The following WDR4 variants were observed in gnomAD, a reference collection of about 807,000 sequenced individuals.
The protein encoded by WDR4 is tRNA (guanine-N(7)-)-methyltransferase non-catalytic subunit WDR4.
In WDR4, 47 loss-of-function variants were observed where a neutral mutation model predicts 48.6. That is an observed-to-expected ratio of 0.97 (90% CI 0.77 to 1.23). The LOEUF (loss-of-function observed/expected upper bound fraction) is 1.23, where lower values mean the gene tolerates loss of function less well. Ranked by LOEUF, WDR4 falls within the 50% of genes most tolerant of loss-of-function variation. The probability of loss-of-function intolerance (pLI) is 0.00; values close to 1 mark genes in which losing one functional copy is unlikely to be tolerated. For synonymous variants in WDR4, 268 were observed against 230.0 expected, an observed-to-expected ratio of 1.17 and a Z score of -1.49; for missense variants, 606 against 551.6, an observed-to-expected ratio of 1.10 and a Z score of -0.99.
chr21:42,868,484 C>T (rs112373714), intron 3 of WDR4, among the ~76,000 whole-genome samples: 8,547 of 152,296 alleles, frequency 0.056, 348 homozygotes, highest in Non-Finnish European at 0.088. Context: ...GCCAGGCCTA[C>T]GGCACACACG....
chr21:42,860,614 T>C (rs867337189), intron 5 of WDR4, among the ~76,000 whole-genome samples: 31 of 152,318 alleles, frequency 2.0e-4, no homozygotes, highest in Admixed American at 1.6e-3. Flanking sequence ...GCCACCGCCC[T>C]GCACGGCACC....
chr21:42,871,404 G>T (rs1329050589), intron 3 of WDR4, among the ~76,000 whole-genome samples: 1 of 152,224 alleles, frequency 6.6e-6, no homozygotes, highest in Non-Finnish European at 1.5e-5. Flanking sequence ...CTACTAGAAA[G>T]CCCCTGCCAC....
intron 3 of WDR4, among the ~76,000 whole-genome samples, chr21:42,868,176 G>T (rs957198528): frequency 2.0e-5 from 3 of 152,164 alleles, no homozygotes; most frequent in Non-Finnish European, 4.4e-5. Flanking sequence ...CGTCCCTCTG[G>T]AGGAGTCAGA....
intron 3 of WDR4, among the ~76,000 whole-genome samples, chr21:42,869,658 T>C (rs1037520122): frequency 2.0e-5 from 3 of 151,088 alleles, no homozygotes; most frequent in Non-Finnish European, 2.9e-5. Context: ...TGGAAAAACA[T>C]AGGATATGGA....
rs113831171 is a variant in WDR4 at position 42,853,533 on chromosome 21, C to G, written c.975+36G>C. 1.8e-5 allele frequency: 28 copies of G among 1,581,708 alleles called. No individual in the cohort carries two copies. The African/African-American group carries it at 3.4e-4, about 19-fold the overall frequency. On this transcript the variant is annotated intron_variant, in intron 9 of 10. Coordinates refer to ENST00000398208, the MANE Select transcript of WDR4 (RefSeq NM_018669.6). ...CCACACCCCCAGGCTTATGGAAAGG[C>G]AGGGCATAGGACATCTGGAAGGTGC...
downstream of WDR4, among the ~76,000 whole-genome samples, chr21:42,847,492 T>G (rs1039805389): frequency 2.0e-5 from 3 of 151,984 alleles, no homozygotes; most frequent in Admixed American, 6.6e-5. Context: ...TGCTGAGGAA[T>G]AGCAGGAAGC....
rs538499396 is a variant in WDR4 at position 42,875,721 on chromosome 21, G to A, written c.155+981C>T. 1.1e-4 allele frequency among the ~76,000 whole-genome samples: 17 copies of A among 152,136 alleles called. No individual in the cohort carries two copies. The East Asian group carries it at 2.7e-3, about 24-fold the overall frequency. Reference sequence around the variant, plus strand: ...CCCTGTCTCAAAAAATAATAATAACGATAAAACAAACTGAGCCACAATACC... The same window carrying A: ...CCCTGTCTCAAAAAATAATAATAACAATAAAACAAACTGAGCCACAATACC... On this transcript the variant is annotated intron_variant, in intron 2 of 10. Coordinates refer to ENST00000398208, the MANE Select transcript of WDR4 (RefSeq NM_018669.6).
Position 42,876,756 on chromosome 21 carries a change from C to CT in WDR4, c.100dup (p.Ser34LysfsTer6). 6.2e-7 allele frequency: 1 copy of CT among 1,612,728 alleles called. No homozygotes were observed. The highest frequency in any genetic ancestry group is 8.5e-7 in the Non-Finnish European group (1 of 1,179,424). On this transcript the variant is annotated frameshift_variant, in exon 2 of 11. Transcript: ENST00000398208. LOFTEE classifies it high-confidence loss of function. ...AGCACTGCAGTCATAGATGAAGAGG[C>CT]TGTCATCATCACTAAAGAGAAATAA...
At chr21:42,860,970 C>G (rs2058100433) in intron 5 of WDR4, among the ~76,000 whole-genome samples, 1 of 152,150 alleles carries the variant, frequency 6.6e-6, no homozygotes, top group Admixed American at 6.5e-5. Context: ...CAGCCACACA[C>G]AGGGGCCACG....
At chr21:42,889,770 A>C in the WDR4 span, among the ~76,000 whole-genome samples, 1 of 152,150 alleles carries the variant, frequency 6.6e-6, no homozygotes, top group Non-Finnish European at 1.5e-5. Flanking sequence ...TAATTCGAGA[A>C]GGAGTTTCGT....
chr21:42,883,182 C>T (rs1452622873), upstream of WDR4, among the ~76,000 whole-genome samples: 5 of 143,978 alleles, frequency 3.5e-5, no homozygotes, highest in South Asian at 2.2e-4. Context: ...GGCTGAGGTA[C>T]GAGAATCACT....
At chr21:42,888,670 A>C in the WDR4 span, among the ~76,000 whole-genome samples, 1 of 151,592 alleles carries the variant, frequency 6.6e-6, no homozygotes, top group East Asian at 1.9e-4. Flanking sequence ...ATTTGAGCTC[A>C]CAATAAATAT....
At chr21:42,854,727 C>T in intron 7 of WDR4, 101 bp from the exon 8 acceptor site, 4 of 1,096,622 alleles carry the variant, frequency 3.6e-6, no homozygotes, top group South Asian at 1.5e-5. Context: ...CTCACGCCCC[C>T]ACATATCAAG....
chr21:42,852,474 G>T, intron 9 of WDR4, 150 bp from the exon 10 acceptor site: 1 of 811,326 alleles, frequency 1.2e-6, no homozygotes, highest in Non-Finnish European at 1.9e-6. Flanking sequence ...GGAGACCTGG[G>T]GAGGCAGCCC....
the WDR4 span, among the ~76,000 whole-genome samples, chr21:42,888,575 T>A: frequency 2.0e-5 from 3 of 150,456 alleles, no homozygotes; most frequent in Admixed American, 2.0e-4. Flanking sequence ...AATAAATAAA[T>A]CAATAAATAT....
At chr21:42,870,545 T>C (rs1601166876) in intron 3 of WDR4, among the ~76,000 whole-genome samples, 1 of 150,066 alleles carries the variant, frequency 6.7e-6, no homozygotes, top group South Asian at 2.1e-4. Context: ...CCTAGCACTT[T>C]GGGGGACTGA....
chr21:42,856,197 G>A (rs71320565), intron 6 of WDR4, among the ~76,000 whole-genome samples: 7,921 of 152,196 alleles, frequency 0.052, 279 homozygotes, highest in East Asian at 0.15. Flanking sequence ...GGGGAGACAC[G>A]TGTGGGCTCA....
chr21:42,850,336 G>A, intron 10 of WDR4, 94 bp from the exon 11 acceptor site: 4 of 1,166,558 alleles, frequency 3.4e-6, no homozygotes, highest in Non-Finnish European at 4.8e-6. Context: ...GTTACCTCGT[G>A]ACTCCCAGAG....
chr21:42,879,552 G>A (rs1307515823), upstream of WDR4: 8 of 1,587,626 alleles, frequency 5.0e-6, no homozygotes, highest in East Asian at 1.6e-4. Flanking sequence ...CTTCCTGTCC[G>A]CACCGGTCGG....
Sources: gnomAD v4.1 joint callset for allele counts (sites outside exome capture counted in the v4.1 genomes callset) on GRCh38, gnomAD v4.1.1 for gene constraint, MANE v1.5 for transcripts, NCBI Gene and HGNC (gene_info 2026-07-23, HGNC 2026-07-21) for gene names.